Variants in YBX1 observed in about 807,000 individuals in gnomAD.
YBX1 encodes the protein Y-box-binding protein 1.
Under a neutral mutation model 41.4 loss-of-function variants are expected in YBX1, and 3 were observed. The observed-to-expected ratio is 0.07, with a 90% CI of 0.03 to 0.19. YBX1 has a LOEUF of 0.19. Among genes scored for constraint, YBX1 ranks in the 10% least tolerant of loss-of-function variants. The pLI is 1.00. For missense variants in YBX1, 274 were observed against 462.8 expected (o/e 0.59, Z 3.74); for synonymous variants, 133 against 165.8 (o/e 0.80, Z 1.52).
chr1:42,685,307 A>G (rs1456397379), intron 2 of YBX1, among the ~76,000 whole-genome samples: 1 of 152,198 alleles, frequency 6.6e-6, no homozygotes, highest in East Asian at 1.9e-4. Flanking sequence ...GTCATCCTCC[A>G]GGGCAAGTTA....
At chr1:42,686,340 A>G (rs529388443) in intron 2 of YBX1, among the ~76,000 whole-genome samples, 1 of 151,712 alleles carries the variant, frequency 6.6e-6, no homozygotes, top group South Asian at 2.1e-4. Flanking sequence ...GGGATTAATT[A>G]CTAACATTTA....
chr1:42,683,499 C>T (rs1650113138), intron 2 of YBX1, 33 bp downstream of exon 2: 7 of 1,611,752 alleles, frequency 4.3e-6, no homozygotes, highest in Non-Finnish European at 5.9e-6. Context: ...CTCCATCCCA[C>T]CTTCTTGCTT....
chr1:42,683,928 A>T (rs1650126880), intron 2 of YBX1, among the ~76,000 whole-genome samples: 1 of 152,072 alleles, frequency 6.6e-6, no homozygotes, highest in Non-Finnish European at 1.5e-5. Context: ...CTTTACCGAG[A>T]GGTTGTATTG....
In YBX1 at chr1:42,683,160, C is replaced by T. The variant is rs1199020338; in HGVS notation, c.167-243C>T. ...TCCCTCACGTGCTCTCCGTCCGCGG[C>T]CTGCGCACACACCCATCCTGGGGCC... is the stretch of plus-strand genomic sequence containing the variant. On this transcript the variant is annotated intron_variant, in intron 1 of 7. Coordinates refer to ENST00000321358, the MANE Select transcript of YBX1 (RefSeq NM_004559.5). 26 of 651,024 alleles carry T rather than the reference C, an allele frequency of 4.0e-5. No individual in the cohort carries two copies. The East Asian group carries it at 6.9e-4, about 17-fold the overall frequency. 40.3% of individuals were successfully genotyped at this position (651,024 alleles called of 1,614,324 possible).
At chr1:42,690,208 C>G (rs563948468) in intron 2 of YBX1, among the ~76,000 whole-genome samples, 3 of 149,334 alleles carry the variant, frequency 2.0e-5, no homozygotes, top group African/African-American at 7.4e-5. Context: ...GAGACTCCAT[C>G]TCAAAAAAAA....
Position 42,702,425 on chromosome 1 carries a change from C to A in YBX1, c.*476C>A. The A allele has an allele frequency of 6.6e-6, 1 of 152,622 alleles. No homozygotes were observed. Among genetic ancestry groups the A allele is most frequent in the African/African-American group, 2.4e-5 (1 of 41,452 alleles). 9.5% of individuals were successfully genotyped at this position (152,622 alleles called of 1,614,324 possible). On this transcript the variant is annotated 3_prime_UTR_variant, in exon 8 of 8. Transcript: ENST00000321358. Reference sequence around the variant, plus strand: ...TATTTATAGGACCCTTAGCTTGACCCAGTCTACAAATAGATGATGCTCACT... The same window carrying A: ...TATTTATAGGACCCTTAGCTTGACCAAGTCTACAAATAGATGATGCTCACT...
chr1:42,683,254 C>T (rs1258632487), intron 1 of YBX1, 149 bp from the exon 2 acceptor site: 1 of 912,330 alleles, frequency 1.1e-6, no homozygotes, highest in Admixed American at 2.0e-5. Context: ...GCGGCGGCGA[C>T]TGCGTGGCCC....
intron 2 of YBX1, among the ~76,000 whole-genome samples, chr1:42,690,673 A>G (rs114055669): frequency 0.014 from 2,191 of 152,332 alleles, 19 homozygotes; most frequent in Middle Eastern, 0.024. Flanking sequence ...TTTAGCCCAT[A>G]GGAACTTGAC....
chr1:42,702,587 GAA>G lies in YBX1; in HGVS notation c.*640_*641del, dbSNP rs1174677507. On this transcript the variant is annotated 3_prime_UTR_variant, in exon 8 of 8. Transcript: ENST00000321358. ...ATTGAAGGATTTAGCTCATTTGTAA[GAA>G]AGACTTGAGTGTAGATTTTGGGTGG... 6.6e-6 allele frequency among the ~76,000 whole-genome samples: 1 copy of G among 152,198 alleles called. No individual in the cohort carries two copies. Among genetic ancestry groups the G allele is most frequent in the Non-Finnish European group, 1.5e-5 (1 of 68,032 alleles).
chr1:42,694,990 A>G (rs1557532965), intron 3 of YBX1, among the ~76,000 whole-genome samples: 1 of 152,236 alleles, frequency 6.6e-6, no homozygotes, highest in Non-Finnish European at 1.5e-5. Flanking sequence ...TAATTCTGCT[A>G]TCCCCTATGA....
Position 42,697,835 on chromosome 1 carries a change from G to A in YBX1, c.740+573G>A, listed in dbSNP as rs568657827. On this transcript the variant is annotated intron_variant, in intron 6 of 7. Coordinates refer to ENST00000321358, the MANE Select transcript of YBX1 (RefSeq NM_004559.5). ...AATAGATGTCATTATTAGAGTAATC[G>A]AGGAAAAATTCCATGAACCAAGCAT... Among the ~76,000 whole-genome samples the A allele has an allele frequency of 7.9e-5, 12 of 152,172 alleles. No individual in the cohort carries two copies. In the South Asian group the frequency reaches 2.1e-3, roughly 26 times the overall value.
At chr1:42,697,099 T>C (rs1650479805) in intron 5 of YBX1, 81 bp from the exon 6 acceptor site, 2 of 1,529,116 alleles carry the variant, frequency 1.3e-6, no homozygotes, top group East Asian at 4.5e-5. Context: ...TTTGTTTGTT[T>C]TTTAACTCTT....
chr1:42,684,973 A>T (rs191960876), intron 2 of YBX1, among the ~76,000 whole-genome samples: 87 of 152,320 alleles, frequency 5.7e-4, no homozygotes, highest in African/African-American at 2.0e-3. Flanking sequence ...AGGTCTGGGT[A>T]CATTTTTAAC....
chr1:42,692,608 C>A (rs1351721914), intron 2 of YBX1, among the ~76,000 whole-genome samples: 1 of 152,168 alleles, frequency 6.6e-6, no homozygotes, highest in South Asian at 2.1e-4. Flanking sequence ...CCAGTTTGTC[C>A]AGTTCATTGT....
chr1:42,699,216 C>G (rs914254591), intron 6 of YBX1, among the ~76,000 whole-genome samples: 1 of 152,046 alleles, frequency 6.6e-6, no homozygotes, highest in Non-Finnish European at 1.5e-5. Context: ...TGCCGTTTTC[C>G]TGTGTAAGAA....
intron 3 of YBX1, among the ~76,000 whole-genome samples, chr1:42,693,983 G>A (rs1650400611): frequency 1.3e-5 from 2 of 151,440 alleles, no homozygotes; most frequent in Admixed American, 6.6e-5. Context: ...TTGAAAAGTA[G>A]CATAAAGAGC....
chr1:42,683,344 C>A (rs745604229), intron 1 of YBX1, 59 bp from the exon 2 acceptor site: 4 of 1,607,030 alleles, frequency 2.5e-6, no homozygotes, highest in Non-Finnish European at 3.4e-6. Flanking sequence ...CCAAGCCGGG[C>A]GGATTTGGAA....
chr1:42,682,813 G>A, intron 1 of YBX1, 82 bp downstream of exon 1: 1 of 995,554 alleles, frequency 1.0e-6, no homozygotes, highest in Non-Finnish European at 1.3e-6. Flanking sequence ...CGAGCCGGCG[G>A]GCGCGCGGCC....
At chr1:42,701,161 T>C in intron 7 of YBX1, 115 bp downstream of exon 7, 2 of 732,314 alleles carry the variant, frequency 2.7e-6, no homozygotes, top group South Asian at 1.9e-5. Flanking sequence ...AGCCATGTTA[T>C]TTATAATGTG....
Sources: gnomAD v4.1 joint callset for allele counts (sites outside exome capture counted in the v4.1 genomes callset) on GRCh38, gnomAD v4.1.1 for gene constraint, MANE v1.5 for transcripts, NCBI Gene and HGNC (gene_info 2026-07-23, HGNC 2026-07-21) for gene names.